The following AGAP1 variants were observed in gnomAD, a reference collection of about 807,000 sequenced individuals.
AGAP1 encodes the protein ArfGAP with GTPase domain, ankyrin repeat and PH domain 1.
A neutral mutation model predicts 105.3 loss-of-function variants in AGAP1; 29 were observed. The observed-to-expected ratio is 0.28, with a 90% confidence interval of 0.21 to 0.38. The LOEUF (loss-of-function observed/expected upper bound fraction) is 0.38, where lower values mean the gene tolerates loss of function less well. Among genes scored for constraint, AGAP1 ranks in the 10% least tolerant of loss-of-function variants. The probability of loss-of-function intolerance (pLI) is 1.00; values close to 1 mark genes in which losing one functional copy is unlikely to be tolerated. For missense variants in AGAP1, 998 were observed against 1,165.1 expected (o/e 0.86, Z 2.09); for synonymous variants, 509 against 485.9 (o/e 1.05, Z -0.63).
chr2:235,863,360 C>G (rs2049016212), intron 9 of AGAP1, among the ~76,000 whole-genome samples: 1 of 152,186 alleles, frequency 6.6e-6, no homozygotes, highest in Admixed American at 6.5e-5. Context: ...TTTATTTAAC[C>G]TAGTATATCC....
Position 235,705,136 on chromosome 2 carries a change from G to A in AGAP1, c.164-4043G>A, listed in dbSNP as rs751587361. The stretch of plus-strand genomic sequence containing the variant: ...TGGGATTACAATCATGTGCCACCAC[G>A]CCTGGCTAATTTTTGTATTTTTAGT... On this transcript the variant is annotated intron_variant, in intron 1 of 17. Transcript: ENST00000304032. This position sits in a 1 kb window ranked among gnomAD's most constrained non-coding sequence, Gnocchi z 4.9. 9.2e-5 allele frequency among the ~76,000 whole-genome samples: 14 copies of A among 151,934 alleles called. No individual in the cohort carries two copies. Among genetic ancestry groups the A allele is most frequent in the Non-Finnish European group, 1.5e-4 (10 of 68,000 alleles).
chr2:235,539,443 G>T (rs1411324257), intron 1 of AGAP1, among the ~76,000 whole-genome samples: 1 of 152,230 alleles, frequency 6.6e-6, no homozygotes, highest in Non-Finnish European at 1.5e-5. Context: ...CTTGTGAGGG[G>T]TGCTGGCCTG....
chr2:235,769,558 G>A lies in AGAP1; in HGVS notation c.673+19070G>A, dbSNP rs989466494. Among the ~76,000 whole-genome samples the A allele has an allele frequency of 1.3e-5, 2 of 152,226 alleles. No homozygotes were observed. The highest frequency in any genetic ancestry group is 4.8e-5 in the African/African-American group (2 of 41,458). On this transcript the variant is annotated intron_variant, in intron 6 of 17. Transcript: ENST00000304032. The surrounding 1 kb of genome is among the most constrained non-coding windows in gnomAD (Gnocchi z 4.4). ...AATGGTTGTTAAAGAAATGCAAACA[G>A]TTAGTTGTTCCGTTCATGCTGTTGC...
intron 13 of AGAP1, among the ~76,000 whole-genome samples, chr2:235,975,371 C>T (rs962619083): frequency 5.3e-5 from 8 of 151,810 alleles, no homozygotes; most frequent in African/African-American, 9.7e-5. Context: ...GAAAGCAATA[C>T]GTGGGTGCGT....
chr2:236,038,250 C>A lies in AGAP1; in HGVS notation c.1800+1535C>A, dbSNP rs1010724004. On this transcript the variant is annotated intron_variant, in intron 14 of 17. Coordinates refer to ENST00000304032, the MANE Select transcript of AGAP1 (RefSeq NM_001037131.3). This position sits in a 1 kb window ranked among gnomAD's most constrained non-coding sequence, Gnocchi z 4.5. Reference sequence around the variant, plus strand: ...GGGAAGCAACAGCACACAGCATCCTCCAAGCGTGGGCAGCTCATTCTGAGA... The same window carrying A: ...GGGAAGCAACAGCACACAGCATCCTACAAGCGTGGGCAGCTCATTCTGAGA... 6.6e-6 allele frequency among the ~76,000 whole-genome samples: 1 copy of A among 152,192 alleles called. No individual in the cohort carries two copies. Among genetic ancestry groups the A allele is most frequent in the African/African-American group, 2.4e-5 (1 of 41,444 alleles).
At chr2:235,746,056 GC>G (rs1575305021) in intron 5 of AGAP1, among the ~76,000 whole-genome samples, 1 of 152,264 alleles carries the variant, frequency 6.6e-6, no homozygotes, top group East Asian at 1.9e-4. Context: ...AACCCAGGAA[GC>G]AGAGGTTGCA....
chr2:235,803,766 A>C (rs951090728), intron 8 of AGAP1, among the ~76,000 whole-genome samples: 1 of 152,262 alleles, frequency 6.6e-6, no homozygotes, highest in Non-Finnish European at 1.5e-5. Context: ...AAATAGTACA[A>C]ATAAAATCTC....
At position 235,914,904 on chromosome 2, in the gene AGAP1, G is replaced by C. The variant is rs1438829533; in HGVS notation, c.1324+5998G>C. 3.3e-5 allele frequency among the ~76,000 whole-genome samples: 5 copies of C among 152,236 alleles called. No homozygotes were observed. The East Asian group carries it at 9.6e-4, about 29-fold the overall frequency. On this transcript the variant is annotated intron_variant, in intron 11 of 17. Coordinates refer to ENST00000304032, the MANE Select transcript of AGAP1 (RefSeq NM_001037131.3). ...CATCGGAACAGGCAGCATGCCTAGG[G>C]AGAGCAGAACCTTTTGATGTGGATG... is the stretch of plus-strand genomic sequence containing the variant.
At chr2:235,783,976 G>A (rs1227412620) in intron 6 of AGAP1, among the ~76,000 whole-genome samples, 2 of 147,814 alleles carry the variant, frequency 1.4e-5, no homozygotes, top group Non-Finnish European at 2.9e-5. Flanking sequence ...ACGGACGGAC[G>A]GACGGATGGA....
chr2:235,654,320 C>T (rs138386462), intron 1 of AGAP1, among the ~76,000 whole-genome samples: 83 of 152,286 alleles, frequency 5.5e-4, no homozygotes, highest in African/African-American at 1.4e-3. Flanking sequence ...CCAATTGATT[C>T]CTCTGTGCTC....
intron 8 of AGAP1, among the ~76,000 whole-genome samples, chr2:235,802,974 G>GTGGTGA (rs1957606122): frequency 1.1e-4 from 3 of 27,572 alleles, no homozygotes; most frequent in African/African-American, 1.5e-4. Context: ...GATGATGGTT[G>GTGGTGA]TGGTTGTGAT....
intron 3 of AGAP1, among the ~76,000 whole-genome samples, chr2:235,738,186 A>G (rs912467842): frequency 6.6e-5 from 10 of 152,122 alleles, no homozygotes; most frequent in African/African-American, 1.9e-4. Flanking sequence ...GGTGATTTCA[A>G]TGAATGTGAG....
At chr2:236,122,853 T>C (rs538673056) in intron 17 of AGAP1, among the ~76,000 whole-genome samples, 1 of 151,858 alleles carries the variant, frequency 6.6e-6, no homozygotes, top group South Asian at 2.1e-4. Context: ...CCCAGATAAT[T>C]TCTGTATTTT....
chr2:235,549,562 C>T lies in AGAP1; in HGVS notation c.163+54713C>T, dbSNP rs533378822. On this transcript the variant is annotated intron_variant, in intron 1 of 17. Coordinates refer to ENST00000304032, the MANE Select transcript of AGAP1 (RefSeq NM_001037131.3). The surrounding 1 kb of genome is among the most constrained non-coding windows in gnomAD (Gnocchi z 4.2). ...CACGTACAGAGTTGCATTGCTCCTC[C>T]GTCTTCCGCGTGCCTGTGGGCAGCT... Among the ~76,000 whole-genome samples the T allele has an allele frequency of 3.3e-5, 5 of 152,292 alleles. No homozygotes were observed. Among genetic ancestry groups the T allele is most frequent in the East Asian group, 3.9e-4 (2 of 5,188 alleles).
rs1179761563 is a variant in AGAP1, at chr2:235,792,557, GT to G, written c.674-5200del. On this transcript the variant is annotated intron_variant, in intron 6 of 17. Coordinates refer to ENST00000304032, the MANE Select transcript of AGAP1 (RefSeq NM_001037131.3). This position sits in a 1 kb window ranked among gnomAD's most constrained non-coding sequence, Gnocchi z 5.3. ...GACAGTCAGGGAGACTCATTTGGAA[GT>G]TGCTTTGGTCACCAGCTGTGGAAGG... 1.3e-5 allele frequency among the ~76,000 whole-genome samples: 2 copies of G among 152,358 alleles called. No individual in the cohort carries two copies. Among genetic ancestry groups the G allele is most frequent in the Admixed American group, 1.3e-4 (2 of 15,308 alleles).
At chr2:235,762,809 G>A (rs757360596) in intron 6 of AGAP1, among the ~76,000 whole-genome samples, 2 of 152,194 alleles carry the variant, frequency 1.3e-5, no homozygotes, top group Non-Finnish European at 2.9e-5. Flanking sequence ...GGAGGCAGAG[G>A]TTGTGGTGAG....
At chr2:235,650,629 C>T (rs940663231) in intron 1 of AGAP1, among the ~76,000 whole-genome samples, 1 of 152,170 alleles carries the variant, frequency 6.6e-6, no homozygotes, top group Non-Finnish European at 1.5e-5. Flanking sequence ...TGGAAATTAG[C>T]TTGCTCTTTA....
At chr2:235,524,010 G>T (rs190337892) in intron 1 of AGAP1, among the ~76,000 whole-genome samples, 1 of 152,226 alleles carries the variant, frequency 6.6e-6, no homozygotes, top group African/African-American at 2.4e-5. Context: ...ACCTGGCCAG[G>T]GTGTGGGATT....
chr2:235,680,497 G>A (rs1949006634), intron 1 of AGAP1, among the ~76,000 whole-genome samples: 1 of 152,138 alleles, frequency 6.6e-6, no homozygotes, highest in South Asian at 2.1e-4. Context: ...TCTCTGTTCT[G>A]TGGCTCTCTA....
Sources: gnomAD v4.1 joint callset for allele counts (sites outside exome capture counted in the v4.1 genomes callset) on GRCh38, gnomAD v4.1.1 for gene constraint, Gnocchi (gnomAD v3.1) non-coding constraint, MANE v1.5 for transcripts, NCBI Gene and HGNC (gene_info 2026-07-23, HGNC 2026-07-21) for gene names.